AGBL1: variants seen among roughly 807,000 people sequenced by gnomAD.
AGBL1 encodes AGBL carboxypeptidase 1, also known as cytosolic carboxypeptidase 4.
AGBL1 carries 130 observed loss-of-function variants against 118.9 expected under a neutral mutation model. The ratio of observed to expected loss-of-function variants is 1.09; its 90% CI spans 0.95 to 1.26. AGBL1 has a LOEUF of 1.26. Ranked by LOEUF, AGBL1 falls within the 50% of genes most tolerant of loss-of-function variation. The probability of loss-of-function intolerance (pLI) is 0.00; values close to 1 mark genes in which losing one functional copy is unlikely to be tolerated. For synonymous variants in AGBL1, 555 were observed against 478.9 expected (o/e 1.16, Z -2.08); for missense variants, 1,584 against 1,298.1 (o/e 1.22, Z -3.38).
intron 21 of AGBL1, among the ~76,000 whole-genome samples, chr15:86,665,365 CA>C (rs370703282): frequency 0.89 from 135,316 of 152,106 alleles, 60,362 homozygotes; most frequent in East Asian, 1. Context: ...TGCAGTCTAT[CA>C]TTTTGCCAAT....
At chr15:86,631,876 C>T (rs921492916) in intron 21 of AGBL1, among the ~76,000 whole-genome samples, 6 of 152,144 alleles carry the variant, frequency 3.9e-5, no homozygotes, top group Non-Finnish European at 8.8e-5. Context: ...GGGTTCCCTG[C>T]TTCGTACTAG....
intron 3 of AGBL1, among the ~76,000 whole-genome samples, chr15:86,145,857 T>C (rs1332111765): frequency 3.3e-5 from 5 of 152,192 alleles, no homozygotes; most frequent in Non-Finnish European, 7.3e-5. Context: ...AACTTGATGA[T>C]AGCAGACTAT....
intron 21 of AGBL1, among the ~76,000 whole-genome samples, chr15:86,672,824 G>A (rs988435100): frequency 2.0e-5 from 3 of 152,178 alleles, no homozygotes; most frequent in Non-Finnish European, 2.9e-5. Flanking sequence ...TAACTCTGAA[G>A]TAATGTCTCC....
chr15:86,536,824 A>G (rs1170625788), intron 19 of AGBL1, among the ~76,000 whole-genome samples: 2 of 152,188 alleles, frequency 1.3e-5, no homozygotes, highest in South Asian at 2.1e-4. Flanking sequence ...CAAGAAATAC[A>G]TAGAGATGGG....
chr15:86,556,512 A>G (rs975797228), intron 21 of AGBL1, among the ~76,000 whole-genome samples: 1 of 152,222 alleles, frequency 6.6e-6, no homozygotes, highest in African/African-American at 2.4e-5. Flanking sequence ...AACTGAGCAG[A>G]ATCACAGGCA....
intron 21 of AGBL1, among the ~76,000 whole-genome samples, chr15:86,598,632 C>G (rs561864193): frequency 6.6e-6 from 1 of 152,178 alleles, no homozygotes; most frequent in East Asian, 1.9e-4. Flanking sequence ...TTAGGGATCA[C>G]TCTTTTAGAG....
At chr15:87,024,376 A>G (rs984641046) in intron 24 of AGBL1, among the ~76,000 whole-genome samples, 1 of 152,056 alleles carries the variant, frequency 6.6e-6, no homozygotes, top group Non-Finnish European at 1.5e-5. Context: ...TTAGAAACCT[A>G]GAAGAAATGG....
chr15:86,201,809 T>C (rs1441513775), intron 5 of AGBL1, among the ~76,000 whole-genome samples: 1 of 152,158 alleles, frequency 6.6e-6, no homozygotes, highest in Non-Finnish European at 1.5e-5. Flanking sequence ...ATCTGTCATG[T>C]CAGCTACTTC....
intron 5 of AGBL1, among the ~76,000 whole-genome samples, chr15:86,178,433 G>T (rs374989031): frequency 6.6e-6 from 1 of 152,180 alleles, no homozygotes; most frequent in Admixed American, 6.5e-5. Flanking sequence ...ATATGCAAAG[G>T]ATAACAAGGA....
chr15:86,513,475 G>A (rs1008842536), intron 18 of AGBL1, among the ~76,000 whole-genome samples: 5 of 151,878 alleles, frequency 3.3e-5, no homozygotes, highest in South Asian at 2.1e-4. Context: ...TGAATAAAGT[G>A]GTATCTTCCA....
intron 22 of AGBL1, among the ~76,000 whole-genome samples, chr15:86,808,234 A>G (rs1476921251): frequency 6.6e-6 from 1 of 152,124 alleles, no homozygotes; most frequent in Non-Finnish European, 1.5e-5. Context: ...GTCTCAGTTG[A>G]GAGAATTTTA....
At chr15:86,639,890 G>A (rs1213616320) in intron 21 of AGBL1, among the ~76,000 whole-genome samples, 2 of 152,128 alleles carry the variant, frequency 1.3e-5, no homozygotes, top group African/African-American at 4.8e-5. Context: ...TAACCAGGCT[G>A]CAAACTCCTT....
chr15:86,794,178 C>T (rs1017196031), intron 22 of AGBL1, among the ~76,000 whole-genome samples: 1 of 151,972 alleles, frequency 6.6e-6, no homozygotes, highest in Non-Finnish European at 1.5e-5. Flanking sequence ...TTTGCAATAG[C>T]CAAGCAGTGA....
chr15:86,458,494 G>A (rs766480531), intron 18 of AGBL1, among the ~76,000 whole-genome samples: 38 of 152,050 alleles, frequency 2.5e-4, no homozygotes, highest in Non-Finnish European at 5.1e-4. Context: ...TTCATTCCAC[G>A]GTAGTCAGTC....
chr15:86,863,815 C>T (rs905067315), intron 22 of AGBL1, among the ~76,000 whole-genome samples: 8 of 152,102 alleles, frequency 5.3e-5, no homozygotes, highest in Admixed American at 3.3e-4. Context: ...TCAGATGGAC[C>T]AGAAACTGTG....
chr15:87,025,282 T>C (rs1030003052), intron 24 of AGBL1, among the ~76,000 whole-genome samples: 1 of 151,980 alleles, frequency 6.6e-6, no homozygotes, highest in African/African-American at 2.4e-5. Context: ...TTCAGCAAAG[T>C]TTCCAGATAC....
chr15:86,536,932 C>G (rs2083434861), intron 19 of AGBL1, among the ~76,000 whole-genome samples: 1 of 152,198 alleles, frequency 6.6e-6, no homozygotes, highest in African/African-American at 2.4e-5. Context: ...TTGTGCATGT[C>G]TGAAGAAAAC....
chr15:86,116,038 T>C (rs1355030801), intron 1 of AGBL1, among the ~76,000 whole-genome samples: 1 of 152,198 alleles, frequency 6.6e-6, no homozygotes, highest in Non-Finnish European at 1.5e-5. Context: ...AAGTAAATAA[T>C]TGAGAACAAT....
At chr15:86,547,460 C>T (rs1056830773) in intron 20 of AGBL1, among the ~76,000 whole-genome samples, 2 of 152,064 alleles carry the variant, frequency 1.3e-5, no homozygotes, top group African/African-American at 2.4e-5. Context: ...CTGTACGAAG[C>T]TGACATGAAA....
Sources: gnomAD v4.1 joint callset for allele counts (sites outside exome capture counted in the v4.1 genomes callset) on GRCh38, gnomAD v4.1.1 for gene constraint, MANE v1.5 for transcripts, NCBI Gene and HGNC (gene_info 2026-07-23, HGNC 2026-07-21) for gene names.